Variants in ADAMTS12 observed in about 807,000 individuals in gnomAD.
The protein encoded by ADAMTS12 is ADAM metallopeptidase with thrombospondin type 1 motif 12.
In ADAMTS12, 118 loss-of-function variants were observed where a neutral mutation model predicts 167.8. The observed-to-expected ratio is 0.70, with a 90% CI of 0.61 to 0.82. ADAMTS12 has a LOEUF of 0.82. Among genes scored for constraint, ADAMTS12 ranks in the 40% least tolerant of loss-of-function variants. The pLI is 0.00. For missense variants in ADAMTS12, 1,916 were observed against 1,998.8 expected (o/e 0.96, Z 0.79); for synonymous variants, 704 against 716.9 (o/e 0.98, Z 0.29).
At chr5:33,877,043 A>T (rs1167363110) in intron 2 of ADAMTS12, among the ~76,000 whole-genome samples, 5 of 152,344 alleles carry the variant, frequency 3.3e-5, no homozygotes, top group African/African-American at 1.2e-4. Context: ...GGGAAACTTA[A>T]GGCTGGAGAG....
At chr5:33,672,816 T>C (rs187984165) in intron 5 of ADAMTS12, among the ~76,000 whole-genome samples, 1 of 152,180 alleles carries the variant, frequency 6.6e-6, no homozygotes, top group Non-Finnish European at 1.5e-5. Context: ...TTCATCATAA[T>C]GAAGAGCCCA....
chr5:33,739,323 C>A (rs1412022000), intron 3 of ADAMTS12, among the ~76,000 whole-genome samples: 1 of 152,116 alleles, frequency 6.6e-6, no homozygotes, highest in Non-Finnish European at 1.5e-5. Context: ...CACACACACA[C>A]TACGCACAGC....
At chr5:33,674,869 T>C (rs184384983) in intron 5 of ADAMTS12, among the ~76,000 whole-genome samples, 9 of 152,282 alleles carry the variant, frequency 5.9e-5, no homozygotes, top group African/African-American at 2.2e-4. Flanking sequence ...CAAAAACTCA[T>C]GTTGAAATTT....
At chr5:33,705,551 G>A (rs1007101259) in intron 3 of ADAMTS12, among the ~76,000 whole-genome samples, 7 of 152,098 alleles carry the variant, frequency 4.6e-5, no homozygotes, top group Non-Finnish European at 8.8e-5. Flanking sequence ...GGTGGCTCAA[G>A]CCTGTAATCC....
At chr5:33,740,665 G>A (rs1431621217) in intron 3 of ADAMTS12, among the ~76,000 whole-genome samples, 1 of 152,198 alleles carries the variant, frequency 6.6e-6, no homozygotes. Context: ...TTTGCACCCA[G>A]GCTCCTACCA....
chr5:33,642,025 A>C, intron 10 of ADAMTS12, 70 bp from the exon 11 acceptor site: 5 of 1,463,912 alleles, frequency 3.4e-6, no homozygotes, highest in Non-Finnish European at 4.6e-6. Context: ...CAAGAGCCCT[A>C]AAAGTCTAAA....
At chr5:33,550,087 A>G (rs1376532431) in intron 20 of ADAMTS12, among the ~76,000 whole-genome samples, 1 of 151,796 alleles carries the variant, frequency 6.6e-6, no homozygotes, top group Admixed American at 6.6e-5. Flanking sequence ...CACAGGCCCT[A>G]CTCACTCCCT....
At chr5:33,835,593 A>C (rs777610095) in intron 2 of ADAMTS12, among the ~76,000 whole-genome samples, 4 of 152,188 alleles carry the variant, frequency 2.6e-5, no homozygotes, top group Non-Finnish European at 1.5e-5. Flanking sequence ...CACATGATGG[A>C]AGAACTAACT....
intron 19 of ADAMTS12, among the ~76,000 whole-genome samples, chr5:33,575,237 T>C (rs886648995): frequency 6.6e-6 from 1 of 152,206 alleles, no homozygotes; most frequent in Admixed American, 6.5e-5. Flanking sequence ...TATACAATTG[T>C]TTTAACAAGT....
chr5:33,623,058 T>G (rs1247501657), intron 14 of ADAMTS12, among the ~76,000 whole-genome samples: 1 of 152,176 alleles, frequency 6.6e-6, no homozygotes, highest in Non-Finnish European at 1.5e-5. Context: ...TAGGGAACAA[T>G]AGGTCATGTA....
At chr5:33,824,906 A>G (rs1432368551) in intron 2 of ADAMTS12, among the ~76,000 whole-genome samples, 1 of 151,970 alleles carries the variant, frequency 6.6e-6, no homozygotes, top group Non-Finnish European at 1.5e-5. Flanking sequence ...GAAGTGAGGG[A>G]CTCTAACACT....
intron 21 of ADAMTS12, among the ~76,000 whole-genome samples, chr5:33,546,806 T>A (rs1745006254): frequency 6.6e-6 from 1 of 152,236 alleles, no homozygotes; most frequent in Non-Finnish European, 1.5e-5. Flanking sequence ...TTTGCATGAC[T>A]TTTTAAGGAG....
chr5:33,541,066 A>G (rs916748422), intron 22 of ADAMTS12, among the ~76,000 whole-genome samples: 4 of 152,216 alleles, frequency 2.6e-5, no homozygotes, highest in African/African-American at 9.6e-5. Flanking sequence ...AACCCATCAG[A>G]AGGAAGCTAA....
intron 13 of ADAMTS12, among the ~76,000 whole-genome samples, chr5:33,625,302 T>TA (rs1228361365): frequency 4.6e-5 from 7 of 150,832 alleles, no homozygotes; most frequent in African/African-American, 1.7e-4. Flanking sequence ...GCTAAGAGAT[T>TA]TAAAAAAAAA....
chr5:33,784,606 G>A (rs1443147803), intron 2 of ADAMTS12, among the ~76,000 whole-genome samples: 1 of 151,548 alleles, frequency 6.6e-6, no homozygotes, highest in Non-Finnish European at 1.5e-5. Flanking sequence ...TAATCAGAAA[G>A]AACAAAATAA....
chr5:33,536,920 A>G (rs375881224), intron 22 of ADAMTS12, among the ~76,000 whole-genome samples: 1 of 152,188 alleles, frequency 6.6e-6, no homozygotes, highest in African/African-American at 2.4e-5. Flanking sequence ...GATTAGAGGT[A>G]CTTATTTTGT....
At chr5:33,717,032 A>G (rs1743641174) in intron 3 of ADAMTS12, among the ~76,000 whole-genome samples, 2 of 152,136 alleles carry the variant, frequency 1.3e-5, no homozygotes, top group South Asian at 4.1e-4. Context: ...TACAGTAACA[A>G]TTTTGATCCT....
chr5:33,876,890 T>C (rs956010238), intron 2 of ADAMTS12, among the ~76,000 whole-genome samples: 2 of 152,226 alleles, frequency 1.3e-5, no homozygotes, highest in Non-Finnish European at 2.9e-5. Context: ...CTCTCTGAAT[T>C]AGTTCTTACA....
chr5:33,853,678 T>C (rs891370722), intron 2 of ADAMTS12, among the ~76,000 whole-genome samples: 1 of 152,200 alleles, frequency 6.6e-6, no homozygotes, highest in African/African-American at 2.4e-5. Context: ...GTTTTAAGCA[T>C]CATTAGGCTT....
Sources: allele counts gnomAD v4.1 joint callset (sites outside exome capture counted in the v4.1 genomes callset), GRCh38; gene constraint gnomAD v4.1.1; transcripts MANE v1.5; gene names NCBI Gene and HGNC (gene_info 2026-07-23, HGNC 2026-07-21).